CPQ: variants seen among roughly 807,000 people sequenced by gnomAD.
CPQ encodes the protein carboxypeptidase Q, also known as Ser-Met dipeptidase.
Under a neutral mutation model 45.7 loss-of-function variants are expected in CPQ, and 37 were observed. The ratio of observed to expected loss-of-function variants is 0.81; its 90% CI spans 0.62 to 1.07. The LOEUF is 1.07. Among genes scored for constraint, CPQ ranks in the 50% least tolerant of loss-of-function variants. The pLI is 0.00. For missense variants in CPQ, 537 were observed against 572.9 expected, an observed-to-expected ratio of 0.94 and a Z score of 0.64; for synonymous variants, 186 against 205.8, an observed-to-expected ratio of 0.90 and a Z score of 0.82.
chr8:96,810,132 A>G (rs1204820054), intron 2 of CPQ, among the ~76,000 whole-genome samples: 1 of 152,176 alleles, frequency 6.6e-6, no homozygotes, highest in Non-Finnish European at 1.5e-5. Context: ...ACCTTCTCCA[A>G]GAGCCTTCCC....
At chr8:96,925,422 C>T (rs1005928003) in intron 4 of CPQ, among the ~76,000 whole-genome samples, 32 of 150,646 alleles carry the variant, frequency 2.1e-4, no homozygotes, top group African/African-American at 4.4e-4. Flanking sequence ...CTCACTCCAT[C>T]CCCCAGGCTG....
intron 3 of CPQ, among the ~76,000 whole-genome samples, chr8:96,859,019 A>G (rs1186150717): frequency 6.6e-6 from 1 of 152,146 alleles, no homozygotes. Flanking sequence ...ATGTATTTCT[A>G]ACTCTTTGTA....
chr8:96,956,621 A>G (rs1813361929), intron 4 of CPQ, among the ~76,000 whole-genome samples: 2 of 152,184 alleles, frequency 1.3e-5, no homozygotes, highest in African/African-American at 4.8e-5. Context: ...TCATGTTTAT[A>G]TTAGATACAA....
At chr8:96,920,079 T>C (rs1812786116) in intron 4 of CPQ, among the ~76,000 whole-genome samples, 1 of 152,214 alleles carries the variant, frequency 6.6e-6, no homozygotes, top group African/African-American at 2.4e-5. Flanking sequence ...TGGTATGTGG[T>C]AAGCTTTCAA....
intron 6 of CPQ, among the ~76,000 whole-genome samples, chr8:97,052,360 T>C (rs1454102699): frequency 1.3e-5 from 2 of 152,142 alleles, no homozygotes; most frequent in African/African-American, 4.8e-5. Context: ...TTCCTCATCT[T>C]GCCTGAATAT....
chr8:96,994,282 T>C (rs1344110435), intron 5 of CPQ, among the ~76,000 whole-genome samples: 1 of 152,048 alleles, frequency 6.6e-6, no homozygotes, highest in Non-Finnish European at 1.5e-5. Flanking sequence ...TTGGAAGGAT[T>C]GAGAGAGGGA....
chr8:97,023,039 ACAG>A (rs1165244804), intron 5 of CPQ, among the ~76,000 whole-genome samples: 27 of 143,098 alleles, frequency 1.9e-4, no homozygotes, highest in African/African-American at 3.3e-4. Context: ...CAGTATATAT[ACAG>A]TATATATACT....
At chr8:96,658,102 C>CT (rs947269924) in intron 1 of CPQ, among the ~76,000 whole-genome samples, 1 of 152,124 alleles carries the variant, frequency 6.6e-6, no homozygotes, top group Non-Finnish European at 1.5e-5. Context: ...TTTTCATTAG[C>CT]TTTTTTGAGC....
chr8:97,081,909 T>C (rs1391633075), intron 7 of CPQ, among the ~76,000 whole-genome samples: 2 of 152,182 alleles, frequency 1.3e-5, no homozygotes, highest in Non-Finnish European at 2.9e-5. Flanking sequence ...AAAATAGTAA[T>C]ACTAATACCT....
At chr8:96,647,282 C>T (rs1815529210) in intron 1 of CPQ, among the ~76,000 whole-genome samples, 1 of 152,134 alleles carries the variant, frequency 6.6e-6, no homozygotes, top group Non-Finnish European at 1.5e-5. Context: ...AAGTGGAATA[C>T]ACATGTTGCT....
intron 2 of CPQ, among the ~76,000 whole-genome samples, chr8:96,817,048 G>A (rs1811237329): frequency 6.6e-6 from 1 of 152,116 alleles, no homozygotes; most frequent in Non-Finnish European, 1.5e-5. Context: ...CAACAAGAAG[G>A]TCAGCCTGTC....
intron 3 of CPQ, among the ~76,000 whole-genome samples, chr8:96,863,886 C>CA (rs1811962954): frequency 6.6e-6 from 1 of 152,014 alleles, no homozygotes; most frequent in Admixed American, 6.6e-5. Context: ...GTATAAGTGA[C>CA]AGACTGTGAA....
At position 97,004,245 on chromosome 8, in the gene CPQ, TAAGTA is replaced by T. The variant is rs1445942463; in HGVS notation, c.962-25154_962-25150del. On this transcript the variant is annotated intron_variant, in intron 5 of 7. Coordinates refer to ENST00000220763, the MANE Select transcript of CPQ (RefSeq NM_016134.4). Reference sequence around the variant, plus strand: ...AATCCCCATGACTGCAATAAATAAATAAGTAAAGGTCCAAAATAAATAATTTGTAA... The same window carrying T: ...AATCCCCATGACTGCAATAAATAAATAAGGTCCAAAATAAATAATTTGTAA... 2.8e-5 allele frequency among the ~76,000 whole-genome samples: 4 copies of T among 142,506 alleles called. 1 individual carries two copies. Among genetic ancestry groups the T allele is most frequent in the South Asian group, 4.5e-4 (2 of 4,442 alleles). The allele number at this position is 142,506 out of a possible 152,430, so 93.5% of individuals were successfully genotyped here.
At chr8:96,940,959 TGGTGTCAGCTCCTTAAAATGA>T (rs1813117197) in intron 4 of CPQ, among the ~76,000 whole-genome samples, 1 of 152,186 alleles carries the variant, frequency 6.6e-6, no homozygotes, top group African/African-American at 2.4e-5. Flanking sequence ...TCTTGGGAAC[TGGTGTCAGCTCCTTAAAATGA>T]GCCAGCATGC....
chr8:97,142,910 G>A, intron 7 of CPQ, 110 bp from the exon 8 acceptor site: 1 of 911,006 alleles, frequency 1.1e-6, no homozygotes, highest in Non-Finnish European at 1.7e-6. Context: ...TAATTATTTT[G>A]CTATTGCAGA....
chr8:96,820,521 A>T (rs1466120146), intron 2 of CPQ, among the ~76,000 whole-genome samples: 1 of 151,584 alleles, frequency 6.6e-6, no homozygotes, highest in African/African-American at 2.4e-5. Flanking sequence ...TCTTTATGAG[A>T]TCTACTTTTT....
intron 7 of CPQ, among the ~76,000 whole-genome samples, chr8:97,111,889 T>A (rs1217869066): frequency 6.6e-6 from 1 of 152,238 alleles, no homozygotes; most frequent in East Asian, 1.9e-4. Context: ...CTGGTCTGTT[T>A]CTTCATATGC....
intron 1 of CPQ, among the ~76,000 whole-genome samples, chr8:96,677,621 G>T (rs954551994): frequency 6.6e-6 from 1 of 152,068 alleles, no homozygotes; most frequent in South Asian, 2.1e-4. Context: ...TCTGTGGGTT[G>T]TCTGTTTGCT....
chr8:97,123,401 AAAG>A (rs1811792335), intron 7 of CPQ, among the ~76,000 whole-genome samples: 1 of 150,830 alleles, frequency 6.6e-6, no homozygotes, highest in Admixed American at 6.6e-5. Flanking sequence ...GCATAAAAGA[AAAG>A]AGAATAAGTG....
Sources: allele counts gnomAD v4.1 joint callset (sites outside exome capture counted in the v4.1 genomes callset), GRCh38; gene constraint gnomAD v4.1.1; transcripts MANE v1.5; gene names NCBI Gene and HGNC (gene_info 2026-07-23, HGNC 2026-07-21).